PTPRD: variants seen among roughly 807,000 people sequenced by gnomAD.
PTPRD encodes the protein receptor-type tyrosine-protein phosphatase delta.
Under a neutral mutation model 214.5 loss-of-function variants are expected in PTPRD, and 34 were observed. That is an observed-to-expected ratio of 0.16 (90% CI 0.12 to 0.21). The LOEUF is 0.21. PTPRD is among the 10% of genes least tolerant of loss of function. The pLI is 1.00. For synonymous variants in PTPRD, 1,128 were observed against 845.7 expected (o/e 1.33, Z -5.79); for missense variants, 2,545 against 2,398.7 (o/e 1.06, Z -1.27).
intron 5 of PTPRD, among the ~76,000 whole-genome samples, chr9:9,829,979 C>T (rs1489934034): frequency 6.6e-6 from 1 of 151,680 alleles, no homozygotes; most frequent in Admixed American, 6.6e-5. Flanking sequence ...CTTTTGCATG[C>T]TTATCTGTTA....
At chr9:9,894,495 C>T (rs2074384097) in intron 5 of PTPRD, among the ~76,000 whole-genome samples, 1 of 151,874 alleles carries the variant, frequency 6.6e-6, no homozygotes, top group African/African-American at 2.4e-5. Flanking sequence ...GCCAGTTTTC[C>T]TTTTCCTGAT....
intron 14 of PTPRD, among the ~76,000 whole-genome samples, chr9:8,537,070 C>T (rs2077139564): frequency 6.6e-6 from 1 of 151,842 alleles, no homozygotes; most frequent in African/African-American, 2.4e-5. Flanking sequence ...TTATTTTCAC[C>T]ATTCCAGATG....
At chr9:8,717,252 T>C (rs982071575) in intron 12 of PTPRD, among the ~76,000 whole-genome samples, 1 of 152,176 alleles carries the variant, frequency 6.6e-6, no homozygotes, top group African/African-American at 2.4e-5. Flanking sequence ...ATTAGGTGTG[T>C]TGGGGGGAGA....
At chr9:8,924,114 G>A (rs146467220) in intron 11 of PTPRD, among the ~76,000 whole-genome samples, 1 of 79,560 alleles carries the variant, frequency 1.3e-5, no homozygotes, top group African/African-American at 5.0e-5. Context: ...CAGTCCCAGG[G>A]GCCTAAGCTA....
At chr9:9,069,202 T>C (rs2099740231) in intron 10 of PTPRD, among the ~76,000 whole-genome samples, 1 of 152,210 alleles carries the variant, frequency 6.6e-6, no homozygotes, top group Non-Finnish European at 1.5e-5. Flanking sequence ...TTAAGACATT[T>C]AAATACCATT....
intron 11 of PTPRD, among the ~76,000 whole-genome samples, chr9:9,010,396 C>T (rs1567572149): frequency 6.6e-6 from 1 of 152,182 alleles, no homozygotes; most frequent in Non-Finnish European, 1.5e-5. Context: ...TATCCCCCTG[C>T]TCTGTGTCTG....
chr9:8,707,615 G>C (rs779422134), intron 12 of PTPRD, among the ~76,000 whole-genome samples: 2 of 152,204 alleles, frequency 1.3e-5, no homozygotes, highest in Non-Finnish European at 2.9e-5. Context: ...CTAAGTTCTA[G>C]TTTTTCCTTT....
chr9:8,337,944 T>TGTCA (rs2132135672), intron 43 of PTPRD, among the ~76,000 whole-genome samples: 1 of 152,180 alleles, frequency 6.6e-6, no homozygotes, highest in South Asian at 2.1e-4. Flanking sequence ...CCTTGAATAC[T>TGTCA]GTCACCTTCA....
chr9:9,737,239 G>A (rs947170402), intron 6 of PTPRD, among the ~76,000 whole-genome samples: 1 of 152,046 alleles, frequency 6.6e-6, no homozygotes, highest in African/African-American at 2.4e-5. Context: ...GTGTTCCACT[G>A]AACAATTTGT....
At chr9:10,046,598 G>A (rs1027791712) in intron 3 of PTPRD, among the ~76,000 whole-genome samples, 3 of 151,746 alleles carry the variant, frequency 2.0e-5, no homozygotes, top group African/African-American at 4.8e-5. Context: ...ACAAAACAAG[G>A]CATATCTAAA....
intron 8 of PTPRD, among the ~76,000 whole-genome samples, chr9:9,564,940 T>G (rs989990462): frequency 6.9e-6 from 1 of 145,144 alleles, no homozygotes; most frequent in Non-Finnish European, 1.5e-5. Context: ...TAACCTGTTA[T>G]GGGCTATGTA....
intron 35 of PTPRD, among the ~76,000 whole-genome samples, chr9:8,413,220 T>C (rs1203447093): frequency 2.0e-5 from 3 of 152,192 alleles, no homozygotes; most frequent in Non-Finnish European, 4.4e-5. Flanking sequence ...GCTTTGCTTG[T>C]CATTTAACAG....
At chr9:9,027,123 T>A (rs1198634581) in intron 10 of PTPRD, among the ~76,000 whole-genome samples, 1 of 151,758 alleles carries the variant, frequency 6.6e-6, no homozygotes, top group African/African-American at 2.4e-5. Context: ...CTTTCTTGCA[T>A]GACATCTGGC....
chr9:8,566,755 T>A (rs2089399559), intron 14 of PTPRD, among the ~76,000 whole-genome samples: 2 of 152,188 alleles, frequency 1.3e-5, no homozygotes, highest in Admixed American at 1.3e-4. Flanking sequence ...CCAGAAACTA[T>A]ACATTTTAAG....
At chr9:9,429,304 A>G (rs1337797809) in intron 8 of PTPRD, among the ~76,000 whole-genome samples, 2 of 152,220 alleles carry the variant, frequency 1.3e-5, no homozygotes, top group African/African-American at 2.4e-5. Flanking sequence ...AATCTAGAAG[A>G]AATGGATAAA....
chr9:8,968,355 G>C (rs539634799), intron 11 of PTPRD, among the ~76,000 whole-genome samples: 1 of 152,050 alleles, frequency 6.6e-6, no homozygotes, highest in South Asian at 2.1e-4. Context: ...GGTTGAACTA[G>C]TTTACAGTCC....
At chr9:9,867,331 A>G (rs1600274226) in intron 5 of PTPRD, among the ~76,000 whole-genome samples, 1 of 152,098 alleles carries the variant, frequency 6.6e-6, no homozygotes, top group East Asian at 1.9e-4. Flanking sequence ...CCAGTCTCAA[A>G]TTATCTTCCT....
intron 7 of PTPRD, among the ~76,000 whole-genome samples, chr9:9,616,764 G>C (rs1593139753): frequency 6.6e-6 from 1 of 152,100 alleles, no homozygotes; most frequent in Non-Finnish European, 1.5e-5. Flanking sequence ...AACCATAAAA[G>C]TAGCCAACCA....
intron 3 of PTPRD, among the ~76,000 whole-genome samples, chr9:10,214,857 C>T (rs1421716058): frequency 2.0e-5 from 3 of 152,014 alleles, no homozygotes; most frequent in African/African-American, 7.2e-5. Context: ...TCTGGGTGCT[C>T]TCACATTGTA....
Sources: gnomAD v4.1 joint callset for allele counts (sites outside exome capture counted in the v4.1 genomes callset) on GRCh38, gnomAD v4.1.1 for gene constraint, MANE v1.5 for transcripts, NCBI Gene and HGNC (gene_info 2026-07-23, HGNC 2026-07-21) for gene names.